Variants in SLC9A2 observed in about 807,000 individuals in gnomAD.
SLC9A2 encodes solute carrier family 9 member A2, also known as sodium/hydrogen exchanger 2.
Under a neutral mutation model 71.7 loss-of-function variants are expected in SLC9A2, and 42 were observed. The observed-to-expected ratio is 0.59, with a 90% CI of 0.46 to 0.76. The LOEUF (loss-of-function observed/expected upper bound fraction) is 0.76, where lower values mean the gene tolerates loss of function less well. Ranked by LOEUF, SLC9A2 falls within the 30% of genes least tolerant of loss-of-function variation. The probability of loss-of-function intolerance (pLI) is 0.00; values close to 1 mark genes in which losing one functional copy is unlikely to be tolerated. For synonymous variants in SLC9A2, 396 were observed against 392.5 expected (o/e 1.01, Z -0.10); for missense variants, 829 against 1,017.4 (o/e 0.81, Z 2.52).
At chr2:102,657,010 G>C (rs1676954759) in intron 1 of SLC9A2, among the ~76,000 whole-genome samples, 1 of 152,092 alleles carries the variant, frequency 6.6e-6, no homozygotes, top group Non-Finnish European at 1.5e-5. Context: ...TTCGAGACCA[G>C]CCTGGCCAAC....
Position 102,684,247 on chromosome 2 carries a change from G to C in SLC9A2, c.1336G>C (p.Val446Leu). ...TCGAGGTGCCATCTGTTTTGCGTTA[G>C]TGTTTCTCCTTCCTGCTGCTGTGTT... ...GLRGAICFAL[V>L]FLLPAAVFPR... The change falls in exon 5 of 12, where the codon GTG becomes CTG. Residue 446 changes from valine to leucine, a missense_variant. Val to Leu is a conservative substitution (Grantham distance 32, BLOSUM62 1). This residue lies in a region of SLC9A2 where 500 missense variants were observed against 726.3 expected (regional missense o/e 0.69). Coordinates refer to ENST00000233969, the MANE Select transcript of SLC9A2 (RefSeq NM_003048.6). 3.7e-6 allele frequency: 6 copies of C among 1,614,144 alleles called. No homozygotes were observed. Among genetic ancestry groups the C allele is most frequent in the Non-Finnish European group, 5.1e-6 (6 of 1,180,022 alleles).
intron 1 of SLC9A2, among the ~76,000 whole-genome samples, chr2:102,645,687 G>A (rs551035145): frequency 3.5e-4 from 53 of 151,824 alleles, no homozygotes; most frequent in African/African-American, 5.1e-4. Flanking sequence ...TTAATCAAGC[G>A]GAAGAAAGGA....
At position 102,684,302 on chromosome 2, in the gene SLC9A2, C is replaced by T. The variant is rs775941015; in HGVS notation, c.1391C>T (p.Ala464Val). ...FPRKKLFITA[A>V]IVVIFFTVFI... ...CGGAAAAAATTGTTTATTACGGCTG[C>T]CATTGTTGTCATATTCTTTACTGTC... Residue 464 changes from alanine (A) to valine (V), a missense_variant, in exon 5 of 12, where the codon GCC (alanine) becomes GTC (valine). Coordinates refer to ENST00000233969, the MANE Select transcript of SLC9A2 (RefSeq NM_003048.6). The T allele has an allele frequency of 1.5e-5, 24 of 1,614,102 alleles. No individual in the cohort carries two copies. Among genetic ancestry groups the T allele is most frequent in the Non-Finnish European group, 1.9e-5 (23 of 1,180,020 alleles).
intron 1 of SLC9A2, among the ~76,000 whole-genome samples, chr2:102,638,412 G>C (rs1379935486): frequency 6.6e-6 from 1 of 152,190 alleles, no homozygotes; most frequent in East Asian, 1.9e-4. Flanking sequence ...ATTGACAAAT[G>C]TGGGAAGGAC....
At chr2:102,658,899 T>C (rs1676997824) in intron 2 of SLC9A2, among the ~76,000 whole-genome samples, 1 of 152,168 alleles carries the variant, frequency 6.6e-6, no homozygotes, top group African/African-American at 2.4e-5. Flanking sequence ...TGCTGTTTTC[T>C]GTTAGCCACA....
At chr2:102,662,765 A>T (rs923692788) in intron 2 of SLC9A2, among the ~76,000 whole-genome samples, 9 of 96,190 alleles carry the variant, frequency 9.4e-5, no homozygotes, top group African/African-American at 2.4e-4. Context: ...AAAGCAGTTT[A>T]AAAAAAAAAA....
Position 102,694,427 on chromosome 2 carries a change from G to T in SLC9A2, c.1439G>T (p.Arg480Leu). 6.7e-7 allele frequency: 1 copy of T among 1,493,342 alleles called. No individual in the cohort carries two copies. The highest frequency in any genetic ancestry group is 1.4e-5 in the South Asian group (1 of 69,030). The allele number at this position is 1,493,342 out of a possible 1,614,324, so 92.5% of individuals were successfully genotyped here. Reference sequence around the variant, plus strand: ...TTTCCTGTTCAGGGAATAACTATTCGACCACTGGTGGAGTTTCTTGATGTC... The same window carrying T: ...TTTCCTGTTCAGGGAATAACTATTCTACCACTGGTGGAGTTTCTTGATGTC... ...FTVFILGITI[R>L]PLVEFLDVKR... Residue 480 changes from arginine to leucine, a missense_variant, in exon 6 of 12, where the codon CGA becomes CTA. Arg to Leu is a moderately radical substitution (Grantham distance 102). Coordinates refer to ENST00000233969, the MANE Select transcript of SLC9A2 (RefSeq NM_003048.6).
intron 5 of SLC9A2, among the ~76,000 whole-genome samples, chr2:102,687,481 G>A (rs1393335773): frequency 6.6e-6 from 1 of 152,164 alleles, no homozygotes; most frequent in African/African-American, 2.4e-5. Context: ...TGCCTTTCAA[G>A]TAAGAATTAT....
In SLC9A2 at chr2:102,646,768, A is replaced by AATATATATATATATATATATAT. The variant is rs201347551; in HGVS notation, c.290-10795_290-10774dup. On this transcript the variant is annotated intron_variant, in intron 1 of 11. Coordinates refer to ENST00000233969, the MANE Select transcript of SLC9A2 (RefSeq NM_003048.6). ...GCAGCAAGAAGAGCTAACGATCCTA[A>AATATATATATATATATATATAT]ATATATATATATATATATATATCTC... Among the ~76,000 whole-genome samples, 249 of 132,832 alleles carry AATATATATATATATATATATAT rather than the reference A, an allele frequency of 1.9e-3. 1 individual carries two copies. Among genetic ancestry groups the AATATATATATATATATATATAT allele is most frequent in the African/African-American group, 5.2e-3 (167 of 32,054 alleles). The allele number at this position is 132,832 out of a possible 152,430, so 87.1% of individuals were successfully genotyped here. A position where few individuals can be genotyped will look rare whatever the true frequency, so the allele number is the denominator to read the frequency against.
chr2:102,637,750 G>A (rs1240442706), intron 1 of SLC9A2, among the ~76,000 whole-genome samples: 1 of 152,148 alleles, frequency 6.6e-6, no homozygotes, highest in Non-Finnish European at 1.5e-5. Context: ...GTGAGGAGAT[G>A]GTCCCTCACT....
chr2:102,685,067 G>C (rs929117698), intron 5 of SLC9A2, among the ~76,000 whole-genome samples: 1 of 152,210 alleles, frequency 6.6e-6, no homozygotes, highest in East Asian at 1.9e-4. Context: ...AGCATGGTAA[G>C]GGTAAAGTCG....
chr2:102,693,473 T>G (rs1043757721), intron 5 of SLC9A2, among the ~76,000 whole-genome samples: 8 of 152,274 alleles, frequency 5.3e-5, no homozygotes, highest in African/African-American at 1.4e-4. Flanking sequence ...ACTATTGATT[T>G]CTGGCATATG....
intron 2 of SLC9A2, among the ~76,000 whole-genome samples, chr2:102,662,074 AC>A (rs1213988941): frequency 2.6e-5 from 4 of 152,132 alleles, no homozygotes; most frequent in African/African-American, 9.7e-5. Context: ...TGTTAAGGTA[AC>A]GCTCCTACCT....
At chr2:102,647,764 C>T (rs1199356466) in intron 1 of SLC9A2, among the ~76,000 whole-genome samples, 1 of 152,150 alleles carries the variant, frequency 6.6e-6, no homozygotes, top group Non-Finnish European at 1.5e-5. Flanking sequence ...AATTCCTGTT[C>T]ACATACACCC....
chr2:102,699,146 T>C (rs1045616129), intron 7 of SLC9A2, among the ~76,000 whole-genome samples: 2 of 152,100 alleles, frequency 1.3e-5, no homozygotes, highest in Non-Finnish European at 2.9e-5. Context: ...TGTGTGCAAT[T>C]CTAACAGGAT....
chr2:102,654,890 T>C (rs1285926206), intron 1 of SLC9A2, among the ~76,000 whole-genome samples: 1 of 152,230 alleles, frequency 6.6e-6, no homozygotes, highest in Non-Finnish European at 1.5e-5. Flanking sequence ...ATTATTTATG[T>C]ATTTAAACAT....
At chr2:102,645,415 TCTCCAGC>T (rs1435876232) in intron 1 of SLC9A2, among the ~76,000 whole-genome samples, 3 of 151,872 alleles carry the variant, frequency 2.0e-5, no homozygotes, top group African/African-American at 7.3e-5. Flanking sequence ...TAACAACTCC[TCTCCAGC>T]AAGGGCACAA....
chr2:102,639,596 G>T (rs1676534277), intron 1 of SLC9A2, among the ~76,000 whole-genome samples: 1 of 152,218 alleles, frequency 6.6e-6, no homozygotes, highest in African/African-American at 2.4e-5. Flanking sequence ...GAACAATTCA[G>T]TGGCATTGAG....
chr2:102,708,847 A>T lies in SLC9A2; in HGVS notation c.*358A>T, dbSNP rs1237497761. The T allele has an allele frequency of 9.5e-6, 2 of 210,198 alleles. No individual in the cohort carries two copies. The highest frequency in any genetic ancestry group is 1.9e-5 in the Non-Finnish European group (2 of 104,560). 13.0% of individuals were successfully genotyped at this position (210,198 alleles called of 1,614,324 possible). A position where few individuals can be genotyped will look rare whatever the true frequency, so the allele number is the denominator to read the frequency against. ...ATATTACTTATATGCTTCAAATTTT[A>T]TTTATGAAAAAATATGTATATCTGT... On this transcript the variant is annotated 3_prime_UTR_variant, in exon 12 of 12. Transcript: ENST00000233969.
Sources: allele counts gnomAD v4.1 joint callset (sites outside exome capture counted in the v4.1 genomes callset), GRCh38; gene constraint gnomAD v4.1.1; regional missense constraint gnomAD v4.1.1; transcripts MANE v1.5; gene names NCBI Gene and HGNC (gene_info 2026-07-23, HGNC 2026-07-21).